CADM2: variants seen among roughly 807,000 people sequenced by gnomAD.
CADM2 encodes immunoglobulin superfamily member 4D.
A neutral mutation model predicts 49.8 loss-of-function variants in CADM2; 12 were observed. The observed-to-expected ratio is 0.24, with a 90% confidence interval of 0.15 to 0.39. The LOEUF (loss-of-function observed/expected upper bound fraction) is 0.39. Ranked by LOEUF, CADM2 falls within the 10% of genes least tolerant of loss-of-function variation. The pLI, the probability that CADM2 is intolerant of heterozygous loss-of-function variation, is 1.00. For missense variants in CADM2, 378 were observed against 492.3 expected (o/e 0.77, Z 2.20); for synonymous variants, 214 against 175.4 (o/e 1.22, Z -1.74).
chr3:85,123,952 A>G (rs991906544), intron 1 of CADM2, among the ~76,000 whole-genome samples: 1 of 152,240 alleles, frequency 6.6e-6, no homozygotes. Flanking sequence ...CAACTCTGGA[A>G]ACAAATGTTG....
At chr3:84,979,806 T>C (rs537012419) in intron 1 of CADM2, among the ~76,000 whole-genome samples, 33 of 152,238 alleles carry the variant, frequency 2.2e-4, no homozygotes, top group African/African-American at 7.0e-4. Context: ...AAATGCTTTT[T>C]TTGATGTCTA....
chr3:85,557,789 C>A (rs547881707), intron 1 of CADM2, among the ~76,000 whole-genome samples: 1 of 151,974 alleles, frequency 6.6e-6, no homozygotes, highest in Non-Finnish European at 1.5e-5. Flanking sequence ...AACATTTAAT[C>A]TATTTGTGAG....
At chr3:85,088,431 C>T (rs185633118) in intron 1 of CADM2, among the ~76,000 whole-genome samples, 3 of 152,038 alleles carry the variant, frequency 2.0e-5, no homozygotes, top group Non-Finnish European at 4.4e-5. Flanking sequence ...TAAAAGTATG[C>T]AACTCTTTTA....
At chr3:85,531,499 C>G (rs528590402) in intron 1 of CADM2, among the ~76,000 whole-genome samples, 3 of 152,242 alleles carry the variant, frequency 2.0e-5, no homozygotes, top group South Asian at 4.1e-4. Flanking sequence ...TAAAATAATA[C>G]ATACTAGTGT....
At chr3:85,823,194 T>C (rs1028956215) in intron 3 of CADM2, among the ~76,000 whole-genome samples, 1 of 152,210 alleles carries the variant, frequency 6.6e-6, no homozygotes, top group Non-Finnish European at 1.5e-5. Context: ...ATAGGTGCTA[T>C]AATCAACATC....
intron 1 of CADM2, among the ~76,000 whole-genome samples, chr3:85,204,832 C>T (rs116288820): frequency 0.023 from 3,492 of 151,716 alleles, 145 homozygotes; most frequent in African/African-American, 0.079. Context: ...TTTTCTTTGC[C>T]TAAAGAATGA....
chr3:85,413,025 C>T (rs1243325324), intron 1 of CADM2, among the ~76,000 whole-genome samples: 1 of 148,776 alleles, frequency 6.7e-6, no homozygotes, highest in Non-Finnish European at 1.5e-5. Context: ...CCTGTAGTCC[C>T]AGCTATGCGG....
intron 1 of CADM2, among the ~76,000 whole-genome samples, chr3:85,207,556 A>G (rs182491889): frequency 1.5e-4 from 23 of 152,248 alleles, no homozygotes; most frequent in African/African-American, 4.6e-4. Context: ...GCAGCCATCA[A>G]TTTTACTGAA....
intron 1 of CADM2, among the ~76,000 whole-genome samples, chr3:85,509,143 A>AT (rs1217988382): frequency 6.6e-6 from 1 of 152,166 alleles, no homozygotes; most frequent in African/African-American, 2.4e-5. Flanking sequence ...AGACTTTACT[A>AT]TTTGACATTT....
chr3:85,694,393 A>G (rs1265788677), intron 1 of CADM2, among the ~76,000 whole-genome samples: 2 of 152,216 alleles, frequency 1.3e-5, no homozygotes, highest in African/African-American at 2.4e-5. Context: ...AAACACAGCC[A>G]GAAGATGGAC....
chr3:86,038,829 A>G (rs1024923854), intron 8 of CADM2, among the ~76,000 whole-genome samples: 2 of 152,232 alleles, frequency 1.3e-5, no homozygotes, highest in South Asian at 2.1e-4. Context: ...TTGTTAAATG[A>G]TTTTCCTAGG....
At chr3:85,349,091 C>G (rs2031073672) in intron 1 of CADM2, among the ~76,000 whole-genome samples, 1 of 152,024 alleles carries the variant, frequency 6.6e-6, no homozygotes, top group Non-Finnish European at 1.5e-5. Flanking sequence ...AAATCTTTAT[C>G]AAGACATTCT....
chr3:85,654,244 T>C (rs923257574), intron 1 of CADM2, among the ~76,000 whole-genome samples: 4 of 152,082 alleles, frequency 2.6e-5, no homozygotes, highest in Non-Finnish European at 5.9e-5. Flanking sequence ...AGGACCATGG[T>C]TGTAAGCTGA....
chr3:85,872,223 T>C (rs2075957619), intron 3 of CADM2, among the ~76,000 whole-genome samples: 3 of 152,176 alleles, frequency 2.0e-5, no homozygotes, highest in Non-Finnish European at 4.4e-5. Flanking sequence ...GCAGTACATA[T>C]CACACTATGG....
At chr3:86,051,231 G>A (rs2063499419) in intron 8 of CADM2, among the ~76,000 whole-genome samples, 1 of 141,276 alleles carries the variant, frequency 7.1e-6, no homozygotes, top group African/African-American at 2.8e-5. Context: ...TGGATCCCTA[G>A]GGCAGGACTC....
chr3:85,422,858 G>C (rs988150004), intron 1 of CADM2, among the ~76,000 whole-genome samples: 29 of 152,024 alleles, frequency 1.9e-4, no homozygotes, highest in Middle Eastern at 6.8e-3. Flanking sequence ...GCAGTGTCTC[G>C]GGGTGTTACA....
intron 1 of CADM2, among the ~76,000 whole-genome samples, chr3:85,420,404 G>A (rs2036115665): frequency 6.6e-6 from 1 of 152,170 alleles, no homozygotes. Flanking sequence ...ATGAGAAAAT[G>A]ACAAATGGGA....
At chr3:85,741,600 A>G (rs992321884) in intron 2 of CADM2, among the ~76,000 whole-genome samples, 1 of 152,148 alleles carries the variant, frequency 6.6e-6, no homozygotes, top group African/African-American at 2.4e-5. Context: ...CCCGGGAGGC[A>G]GAGGTTGCAG....
At chr3:85,918,132 G>A (rs980622948) in intron 6 of CADM2, among the ~76,000 whole-genome samples, 3 of 152,232 alleles carry the variant, frequency 2.0e-5, no homozygotes, top group Non-Finnish European at 4.4e-5. Flanking sequence ...TTTCCTAATT[G>A]AATGCCCTTT....
Sources: gnomAD v4.1 joint callset for allele counts (sites outside exome capture counted in the v4.1 genomes callset) on GRCh38, gnomAD v4.1.1 for gene constraint, MANE v1.5 for transcripts, NCBI Gene and HGNC (gene_info 2026-07-23, HGNC 2026-07-21) for gene names.